The following CD55 variants were observed in gnomAD, a reference collection of about 807,000 sequenced individuals.
CD55 encodes complement decay-accelerating factor.
In CD55, 41 loss-of-function variants were observed where a neutral mutation model predicts 45.8. That is an observed-to-expected ratio of 0.90 (90% confidence interval 0.70 to 1.16). The LOEUF (loss-of-function observed/expected upper bound fraction) is 1.16, where lower values mean the gene tolerates loss of function less well. CD55 is among the 50% of genes most tolerant of loss of function. The probability of loss-of-function intolerance (pLI) is 0.00; values close to 1 mark genes in which losing one functional copy is unlikely to be tolerated. For synonymous variants in CD55, 181 were observed against 181.1 expected (o/e 1.00, Z 0.01); for missense variants, 416 against 469.8 (o/e 0.89, Z 1.06).
intron 9 of CD55, among the ~76,000 whole-genome samples, chr1:207,345,191 C>T (rs2102423423): frequency 6.6e-6 from 1 of 152,214 alleles, no homozygotes; most frequent in African/African-American, 2.4e-5. Flanking sequence ...TAGTTGGCCA[C>T]TTTAGGGTGT....
At position 207,360,404 on chromosome 1, in the gene CD55, A is replaced by T. The variant is rs1656253732; in HGVS notation, c.*794A>T. ...TATTTATATTTATTTATGACAGTGAACATTCTGATTTTACATGTAAAACAA... is the reference window on the plus strand; with the variant it reads ...TATTTATATTTATTTATGACAGTGATCATTCTGATTTTACATGTAAAACAA... On this transcript the variant is annotated 3_prime_UTR_variant, in exon 10 of 10. Coordinates refer to ENST00000367064, the MANE Select transcript of CD55 (RefSeq NM_000574.5). The T allele has an allele frequency of 6.6e-6, 1 of 152,186 alleles. No individual in the cohort carries two copies. Among genetic ancestry groups the T allele is most frequent in the Non-Finnish European group, 1.5e-5 (1 of 68,006 alleles). 9.4% of individuals were successfully genotyped at this position (152,186 alleles called of 1,614,324 possible).
chr1:207,344,204 A>G (rs777559321), intron 9 of CD55, among the ~76,000 whole-genome samples: 7 of 152,128 alleles, frequency 4.6e-5, no homozygotes, highest in Non-Finnish European at 1.0e-4. Context: ...CATCTTATTA[A>G]TTGATTTCTG....
chr1:207,338,958 A>G (rs1260820980), intron 8 of CD55, among the ~76,000 whole-genome samples: 2 of 152,190 alleles, frequency 1.3e-5, no homozygotes, highest in Non-Finnish European at 1.5e-5. Context: ...GTAGTCATTG[A>G]AAGATATAAA....
Position 207,357,474 on chromosome 1 carries a change from C to CTA in CD55, c.1082-2072_1082-2071insTA, listed in dbSNP as rs199574164. On this transcript the variant is annotated intron_variant, in intron 9 of 9. Transcript: ENST00000367064. ...TTTTGAAATACTGTTATCAGTTTATCAAGTTATAAAGTATCAATGTATAGA... is the reference window on the plus strand; with the variant it reads ...TTTTGAAATACTGTTATCAGTTTATCTAAAGTTATAAAGTATCAATGTATAGA... Among the ~76,000 whole-genome samples the CTA allele has an allele frequency of 5.0e-3, 746 of 149,604 alleles. 4 individuals carry two copies. Among genetic ancestry groups the CTA allele is most frequent in the African/African-American group, 0.018 (721 of 40,718 alleles).
rs751819058 is a variant in CD55, at chr1:207,331,264, G to GAA, written c.822_823insAA (p.Glu275LysfsTer15). 3.1e-6 allele frequency: 5 copies of GAA among 1,613,826 alleles called. No homozygotes were observed. Among genetic ancestry groups the GAA allele is most frequent in the Non-Finnish European group, 4.2e-6 (5 of 1,179,820 alleles). On this transcript the variant is annotated frameshift_variant, in exon 6 of 10. Coordinates refer to ENST00000367064, the MANE Select transcript of CD55 (RefSeq NM_000574.5). LOFTEE classifies it high-confidence loss of function. ...TATTGTACTGTGAATAATGATGAAG[G>GAA]AGAGTGGAGTGGCCCACCACCTGAA...
intron 5 of CD55, among the ~76,000 whole-genome samples, chr1:207,330,594 A>G (rs1654897774): frequency 6.6e-6 from 1 of 152,206 alleles, no homozygotes; most frequent in South Asian, 2.1e-4. Flanking sequence ...AAAATGATCT[A>G]TACTTAACTC....
chr1:207,334,389 G>A (rs1207083734), intron 6 of CD55, among the ~76,000 whole-genome samples: 1 of 152,026 alleles, frequency 6.6e-6, no homozygotes, highest in Admixed American at 6.5e-5. Context: ...GAAACTAAAG[G>A]AAATTCTTCA....
chr1:207,340,119 C>T (rs1417280238), intron 9 of CD55, among the ~76,000 whole-genome samples: 1 of 152,166 alleles, frequency 6.6e-6, no homozygotes, highest in Admixed American at 6.5e-5. Context: ...ATCCTCCCTC[C>T]TACTCACACA....
chr1:207,352,185 G>T (rs1338327064), intron 9 of CD55, among the ~76,000 whole-genome samples: 3 of 149,812 alleles, frequency 2.0e-5, no homozygotes, highest in Non-Finnish European at 4.4e-5. Context: ...TGAAGCATGT[G>T]TTGTGAATTT....
chr1:207,337,125 C>A, intron 7 of CD55: 1 of 605,934 alleles, frequency 1.7e-6, no homozygotes, highest in Non-Finnish European at 2.9e-6. Context: ...AAAACCCTAT[C>A]TACAAAGACC....
intron 8 of CD55, 75 bp downstream of exon 8, chr1:207,337,484 T>G (rs554858223): frequency 2.4e-6 from 2 of 830,996 alleles, no homozygotes; most frequent in East Asian, 4.9e-5. Context: ...TGACCAAGAT[T>G]GCAGGATTAA....
rs546335164 is a variant in CD55 at position 207,346,191 on chromosome 1, C to G, written c.1081+6774C>G. Among the ~76,000 whole-genome samples the G allele has an allele frequency of 1.4e-4, 22 of 152,264 alleles. No individual in the cohort carries two copies. The South Asian group carries it at 4.4e-3, about 30-fold the overall frequency. Reference sequence around the variant, plus strand: ...TCTGTGCCAGTGTTGGCTGTGGGTGCGGTGATTGGGTGGATCAGTTTCCAG... The same window carrying G: ...TCTGTGCCAGTGTTGGCTGTGGGTGGGGTGATTGGGTGGATCAGTTTCCAG... On this transcript the variant is annotated intron_variant, in intron 9 of 9. Coordinates refer to ENST00000367064, the MANE Select transcript of CD55 (RefSeq NM_000574.5).
intron 9 of CD55, among the ~76,000 whole-genome samples, chr1:207,353,342 T>G (rs1388308648): frequency 6.6e-6 from 1 of 152,156 alleles, no homozygotes; most frequent in Admixed American, 6.5e-5. Flanking sequence ...TAGATCAATT[T>G]AAAGAATAAT....
chr1:207,353,322 T>A (rs1307723366), intron 9 of CD55, among the ~76,000 whole-genome samples: 1 of 152,092 alleles, frequency 6.6e-6, no homozygotes, highest in East Asian at 1.9e-4. Flanking sequence ...AAGTCCCTCA[T>A]GGGGACTAAT....
chr1:207,354,253 G>A, intron 9 of CD55: 1 of 984,696 alleles, frequency 1.0e-6, no homozygotes. Context: ...CTGAATCTGG[G>A]GCTAGAAGTG....
Position 207,322,442 on chromosome 1 carries a change from G to A in CD55, c.161G>A (p.Ser54Asn). ...NAQPALEGRTSFPEDTVITYK... is the reference protein window; with the variant it reads ...NAQPALEGRTNFPEDTVITYK... ...CAGCCAGCTTTGGAAGGCCGTACAA[G>A]TTTTCCCGAGGATACTGTAATAACG... Residue 54 changes from serine to asparagine, a missense_variant, in exon 2 of 10, where the codon AGT (serine) becomes AAT (asparagine). Transcript: ENST00000367064. The A allele has an allele frequency of 6.2e-7, 1 of 1,614,234 alleles. No individual in the cohort carries two copies. Among genetic ancestry groups the A allele is most frequent in the Non-Finnish European group, 8.5e-7 (1 of 1,180,034 alleles).
At chr1:207,322,300 T>C in intron 1 of CD55, 82 bp from the exon 2 acceptor site, 1 of 1,170,134 alleles carries the variant, frequency 8.5e-7, no homozygotes, top group Non-Finnish European at 1.3e-6. Flanking sequence ...GTGTGGCATT[T>C]CAAGGGGGCT....
intron 4 of CD55, among the ~76,000 whole-genome samples, chr1:207,326,088 A>G (rs1312503374): frequency 6.6e-6 from 1 of 152,194 alleles, no homozygotes; most frequent in African/African-American, 2.4e-5. Flanking sequence ...GAGTTTTTCT[A>G]TATGCAAACA....
At chr1:207,358,073 T>A (rs1015160743) in intron 9 of CD55, among the ~76,000 whole-genome samples, 2 of 152,322 alleles carry the variant, frequency 1.3e-5, no homozygotes, top group Admixed American at 1.3e-4. Flanking sequence ...TTTTGAATTG[T>A]ATTTTGGGGT....
Sources: allele counts gnomAD v4.1 joint callset (sites outside exome capture counted in the v4.1 genomes callset), GRCh38; gene constraint gnomAD v4.1.1; transcripts MANE v1.5; gene names NCBI Gene and HGNC (gene_info 2026-07-23, HGNC 2026-07-21).